The following TAOK3 variants were observed in gnomAD, a reference collection of about 807,000 sequenced individuals.
TAOK3 encodes TAO kinase 3.
Under a neutral mutation model 120.4 loss-of-function variants are expected in TAOK3, and 40 were observed. That is an observed-to-expected ratio of 0.33 (90% confidence interval 0.26 to 0.43). TAOK3 has a LOEUF of 0.43. Ranked by LOEUF, TAOK3 falls within the 20% of genes least tolerant of loss-of-function variation. The pLI is 1.00. For synonymous variants in TAOK3, 355 were observed against 387.5 expected (o/e 0.92, Z 0.99); for missense variants, 821 against 1,112.1 (o/e 0.74, Z 3.72).
At chr12:118,216,459 G>C (rs2038906628) in intron 9 of TAOK3, among the ~76,000 whole-genome samples, 1 of 152,090 alleles carries the variant, frequency 6.6e-6, no homozygotes, top group Admixed American at 6.6e-5. Flanking sequence ...AGCTCTAAGA[G>C]CACAAGATCT....
intron 11 of TAOK3, among the ~76,000 whole-genome samples, chr12:118,210,075 T>C (rs761158611): frequency 2.0e-5 from 3 of 152,180 alleles, no homozygotes; most frequent in Non-Finnish European, 4.4e-5. Context: ...AACATACAGC[T>C]TCTTTAGCCA....
intron 1 of TAOK3, among the ~76,000 whole-genome samples, chr12:118,356,057 G>A (rs951048034): frequency 5.9e-5 from 9 of 152,118 alleles, no homozygotes; most frequent in South Asian, 2.1e-4. Flanking sequence ...TGCTGATCAT[G>A]TAAAAGAATT....
intron 1 of TAOK3, among the ~76,000 whole-genome samples, chr12:118,333,207 A>G (rs2044224904): frequency 1.3e-5 from 2 of 152,214 alleles, no homozygotes. Flanking sequence ...GCCATGGAAT[A>G]TTCACCAAAA....
chr12:118,307,104 C>T (rs1395826558), intron 1 of TAOK3, among the ~76,000 whole-genome samples: 2 of 152,078 alleles, frequency 1.3e-5, no homozygotes, highest in African/African-American at 4.8e-5. Flanking sequence ...CTAAACTATA[C>T]AGGTTATATC....
At chr12:118,226,620 A>G (rs1316911026) in intron 9 of TAOK3, among the ~76,000 whole-genome samples, 1 of 152,172 alleles carries the variant, frequency 6.6e-6, no homozygotes, top group Admixed American at 6.5e-5. Context: ...ACTGAAGTTT[A>G]TCTGACTGCA....
At chr12:118,162,763 T>C (rs1434474676) in intron 17 of TAOK3, among the ~76,000 whole-genome samples, 1 of 152,226 alleles carries the variant, frequency 6.6e-6, no homozygotes, top group Non-Finnish European at 1.5e-5. Context: ...TCCGTTCTAC[T>C]CATGTCTTTC....
chr12:118,177,355 G>C (rs772110329), intron 15 of TAOK3, 26 bp from the exon 16 acceptor site: 18 of 1,610,168 alleles, frequency 1.1e-5, no homozygotes, highest in Non-Finnish European at 1.5e-5. Context: ...ATACAATGTA[G>C]GATGAATCTA....
chr12:118,315,229 A>G (rs2043412410), intron 1 of TAOK3, among the ~76,000 whole-genome samples: 1 of 152,112 alleles, frequency 6.6e-6, no homozygotes. Context: ...CCAGCAGAAA[A>G]TTTTTCATAA....
chr12:118,289,744 C>T (rs2042403427), intron 1 of TAOK3, among the ~76,000 whole-genome samples: 1 of 152,072 alleles, frequency 6.6e-6, no homozygotes, highest in Non-Finnish European at 1.5e-5. Flanking sequence ...GCTATAATCC[C>T]AGCATTTTGG....
chr12:118,187,096 G>T (rs1326886435), intron 14 of TAOK3, among the ~76,000 whole-genome samples: 2 of 152,144 alleles, frequency 1.3e-5, no homozygotes, highest in Non-Finnish European at 2.9e-5. Context: ...TTTAAAATAT[G>T]CATTTCATCA....
intron 14 of TAOK3, among the ~76,000 whole-genome samples, chr12:118,185,568 G>C (rs1404667699): frequency 6.6e-6 from 1 of 152,158 alleles, no homozygotes; most frequent in African/African-American, 2.4e-5. Context: ...AGAATACAGT[G>C]AGTCACATTT....
In TAOK3 at chr12:118,238,131, T is replaced by G. The variant is rs756914738; in HGVS notation, c.379A>C (p.Ile127Leu). Residue 127 changes from isoleucine (I) to leucine (L), a missense_variant, in exon 7 of 21, where the codon ATT becomes CTT. Physicochemically the swap from Ile to Leu is conservative, Grantham distance 5. Transcript: ENST00000392533. ...KPLQEVEIAA[I>L]THGALHGLAY... Reference sequence around the variant, plus strand: ...AGTCCATGCAAGGCTCCATGAGTAATGGCAGCGATCTCCACTTCCTGAAGT... The same window carrying G: ...AGTCCATGCAAGGCTCCATGAGTAAGGGCAGCGATCTCCACTTCCTGAAGT... The G allele has an allele frequency of 1.2e-6, 2 of 1,612,346 alleles. No individual in the cohort carries two copies. The highest frequency in any genetic ancestry group is 1.7e-6 in the Non-Finnish European group (2 of 1,179,090).
chr12:118,292,870 A>C (rs1394338913), intron 1 of TAOK3, among the ~76,000 whole-genome samples: 1 of 152,250 alleles, frequency 6.6e-6, no homozygotes, highest in Non-Finnish European at 1.5e-5. Context: ...CTAAGTATTT[A>C]TTCCAAAATC....
rs1474743981 is a variant in TAOK3 at position 118,161,197 on chromosome 12, G to A, written c.2139+591C>T. On this transcript the variant is annotated intron_variant, in intron 18 of 20. Transcript: ENST00000392533. The surrounding 1 kb of genome is among the most constrained non-coding windows in gnomAD (Gnocchi z 4.5). ...GTGGCAACACTGACAACGTCCTCCC[G>A]GATATATAGCAATGGCTTAGTACAC... Among the ~76,000 whole-genome samples, 3 of 152,288 alleles carry A rather than the reference G, an allele frequency of 2.0e-5. No individual in the cohort carries two copies. The highest frequency in any genetic ancestry group is 3.4e-3 in the Middle Eastern group (1 of 294).
Position 118,371,201 on chromosome 12 carries a change from T to G in TAOK3, c.-194+1447A>C, listed in dbSNP as rs1161957178. On this transcript the variant is annotated intron_variant, in intron 1 of 20. Coordinates refer to ENST00000392533, the MANE Select transcript of TAOK3 (RefSeq NM_016281.4). This position sits in a 1 kb window ranked among gnomAD's most constrained non-coding sequence, Gnocchi z 5.5. ...GCAAGGGTCTATCAAAGAAATATTC[T>G]TATTAATCTAAAACACGGGTCTCCA... 6.6e-6 allele frequency among the ~76,000 whole-genome samples: 1 copy of G among 152,206 alleles called. No homozygotes were observed. The highest frequency in any genetic ancestry group is 2.4e-5 in the African/African-American group (1 of 41,450).
chr12:118,184,455 T>A (rs936085094), intron 14 of TAOK3, among the ~76,000 whole-genome samples: 3 of 152,200 alleles, frequency 2.0e-5, no homozygotes, highest in Non-Finnish European at 4.4e-5. Context: ...TAATAGCTGA[T>A]AACTTTTTCA....
At chr12:118,289,069 G>A (rs2042373939) in intron 1 of TAOK3, among the ~76,000 whole-genome samples, 1 of 151,878 alleles carries the variant, frequency 6.6e-6, no homozygotes, top group Non-Finnish European at 1.5e-5. Flanking sequence ...GAAGGCCAAG[G>A]CAGGTAGATC....
At chr12:118,294,756 C>G (rs2042612429) in intron 1 of TAOK3, among the ~76,000 whole-genome samples, 1 of 152,106 alleles carries the variant, frequency 6.6e-6, no homozygotes, top group Admixed American at 6.6e-5. Flanking sequence ...TATTAAGATT[C>G]TGAGATTCAC....
chr12:118,323,733 T>G (rs1172814647), intron 1 of TAOK3, among the ~76,000 whole-genome samples: 2 of 152,198 alleles, frequency 1.3e-5, no homozygotes, highest in Admixed American at 6.5e-5. Context: ...AATCTCATTT[T>G]TATTTAAGAA....
Sources: gnomAD v4.1 joint callset for allele counts (sites outside exome capture counted in the v4.1 genomes callset) on GRCh38, gnomAD v4.1.1 for gene constraint, Gnocchi (gnomAD v3.1) non-coding constraint, MANE v1.5 for transcripts, NCBI Gene and HGNC (gene_info 2026-07-23, HGNC 2026-07-21) for gene names.